ZNF644: variants seen among roughly 807,000 people sequenced by gnomAD.
ZNF644 encodes zinc finger protein 644, also known as zinc finger motif enhancer binding protein 2.
Under a neutral mutation model 108.0 loss-of-function variants are expected in ZNF644, and 20 were observed. That is an observed-to-expected ratio of 0.19 (90% CI 0.13 to 0.27). ZNF644 has a LOEUF of 0.27. ZNF644 is among the 10% of genes least tolerant of loss of function. The probability of loss-of-function intolerance (pLI) is 1.00; values close to 1 mark genes in which losing one functional copy is unlikely to be tolerated. For missense variants in ZNF644, 1,338 were observed against 1,548.9 expected, an observed-to-expected ratio of 0.86 and a Z score of 2.29; for synonymous variants, 542 against 539.1, an observed-to-expected ratio of 1.01 and a Z score of -0.08.
intron 2 of ZNF644, among the ~76,000 whole-genome samples, chr1:90,950,305 G>GAAAA (rs1553151449): frequency 1.5e-4 from 7 of 46,642 alleles, no homozygotes; most frequent in Admixed American, 3.5e-4. Flanking sequence ...GGGAGGGGAG[G>GAAAA]GGACAAAAGA....
intron 4 of ZNF644, among the ~76,000 whole-genome samples, chr1:90,919,073 C>T (rs191780230): frequency 2.6e-5 from 4 of 151,890 alleles, no homozygotes; most frequent in Admixed American, 6.5e-5. Context: ...TCTAAAACAA[C>T]CTGATTTTAA....
At chr1:91,014,664 T>C (rs561082087) in intron 1 of ZNF644, among the ~76,000 whole-genome samples, 2 of 152,160 alleles carry the variant, frequency 1.3e-5, no homozygotes, top group Non-Finnish European at 2.9e-5. Flanking sequence ...AACATCATTG[T>C]ACCAATGTCC....
chr1:90,976,543 T>G (rs1276962169), intron 2 of ZNF644, among the ~76,000 whole-genome samples: 1 of 152,226 alleles, frequency 6.6e-6, no homozygotes, highest in East Asian at 1.9e-4. Flanking sequence ...TGTTCACATA[T>G]TGGAATGATA....
At chr1:90,984,032 T>C (rs1240362196) in intron 1 of ZNF644, among the ~76,000 whole-genome samples, 3 of 152,148 alleles carry the variant, frequency 2.0e-5, no homozygotes, top group African/African-American at 7.2e-5. Flanking sequence ...CACCCACCAG[T>C]ATCAGGGAGA....
chr1:90,961,595 T>C (rs1251743587), intron 2 of ZNF644, among the ~76,000 whole-genome samples: 5 of 152,140 alleles, frequency 3.3e-5, no homozygotes, highest in Non-Finnish European at 7.4e-5. Flanking sequence ...TGTCTTCTAT[T>C]AAGTGAGACA....
chr1:90,920,705 A>T (rs1006048140), intron 4 of ZNF644, among the ~76,000 whole-genome samples: 4 of 152,012 alleles, frequency 2.6e-5, no homozygotes, highest in African/African-American at 9.7e-5. Flanking sequence ...AAAGCAGGAC[A>T]ACTCTGCCAG....
rs1349572016 is a variant in ZNF644, at chr1:90,940,595, T to C, written c.759A>G (p.Ser253=). The part of the protein sequence containing the change: ...GISSGTDGFR[S]ENDTNWDPQK... ...GGGGATCCCAGTTTGTATCATTTTCTGACCTAAATCCATCTGTACCTGAGG... is the reference window on the plus strand; with the variant it reads ...GGGGATCCCAGTTTGTATCATTTTCCGACCTAAATCCATCTGTACCTGAGG... The change falls in exon 3 of 6, where the codon TCA becomes TCG. Residue 253 remains serine (S), a synonymous_variant. Transcript: ENST00000337393. The C allele has an allele frequency of 4.3e-6, 7 of 1,614,098 alleles. No individual in the cohort carries two copies. The East Asian group carries it at 1.1e-4, about 26-fold the overall frequency.
In ZNF644 at chr1:90,939,613, T is replaced by C. The variant is rs1651740296; in HGVS notation, c.1741A>G (p.Lys581Glu). Residue 581 changes from lysine (K) to glutamate (E), a missense_variant, in exon 3 of 6, where the codon AAA (lysine) becomes GAA (glutamate). Around this residue, in one of 6 missense-constraint regions of ZNF644, gnomAD observed 462 missense variants for 472.6 expected, o/e 0.98. Coordinates refer to ENST00000337393, the MANE Select transcript of ZNF644 (RefSeq NM_201269.3). ...FMKDSVVGSS[K>E]KSATYICKMC... Reference sequence around the variant, plus strand: ...TTACATATGTAGGTAGCTGATTTTTTGGATGATCCTACTACAGAGTCTTTC... The same window carrying C: ...TTACATATGTAGGTAGCTGATTTTTCGGATGATCCTACTACAGAGTCTTTC... 6.2e-7 allele frequency: 1 copy of C among 1,613,912 alleles called. No individual in the cohort carries two copies. The highest frequency in any genetic ancestry group is 1.1e-5 in the South Asian group (1 of 91,082).
At chr1:90,990,360 C>A (rs1423280428) in intron 1 of ZNF644, among the ~76,000 whole-genome samples, 1 of 152,008 alleles carries the variant, frequency 6.6e-6, no homozygotes, top group Non-Finnish European at 1.5e-5. Flanking sequence ...CATATAAGAG[C>A]CAAGGTGGAG....
intron 1 of ZNF644, among the ~76,000 whole-genome samples, chr1:91,006,320 G>A (rs1210842536): frequency 6.6e-6 from 1 of 152,198 alleles, no homozygotes; most frequent in African/African-American, 2.4e-5. Flanking sequence ...CAGGAGGATA[G>A]ATCATTTGAG....
At position 90,938,927 on chromosome 1, in the gene ZNF644, C is replaced by G. The variant is rs1405853428; in HGVS notation, c.2427G>C (p.Lys809Asn). ...CCTTCTTAGATTCCTTAATTACTCT[C>G]TTTACAGCTACACGTCTGTGATCTT... ...SFKDHRRVAV[K>N]RVIKESKKES... Residue 809 changes from lysine (K) to asparagine (N), a missense_variant, in exon 3 of 6, where the codon AAG becomes AAC. Lys to Asn is a moderately conservative substitution (Grantham distance 94). Transcript: ENST00000337393. The surrounding 1 kb of genome is among the most constrained non-coding windows in gnomAD (Gnocchi z 4.2). The G allele has an allele frequency of 1.5e-5, 24 of 1,613,908 alleles. No homozygotes were observed. Among genetic ancestry groups the G allele is most frequent in the Non-Finnish European group, 2.0e-5 (24 of 1,179,956 alleles).
chr1:90,935,950 G>A (rs1651271844), intron 4 of ZNF644, among the ~76,000 whole-genome samples: 1 of 152,120 alleles, frequency 6.6e-6, no homozygotes, highest in Admixed American at 6.5e-5. Flanking sequence ...TAATTAAAGT[G>A]TTTTACCCAC....
At position 90,940,456 on chromosome 1, in the gene ZNF644, T is replaced by C. The variant is rs958733958; in HGVS notation, c.898A>G (p.Ile300Val). Residue 300 changes from isoleucine to valine, a missense_variant, in exon 3 of 6, where the codon ATA becomes GTA. Physicochemically the swap from Ile to Val is conservative, Grantham distance 29. This residue lies in a region of ZNF644 where 464 missense variants were observed against 457.9 expected (regional missense o/e 1.01). Coordinates refer to ENST00000337393, the MANE Select transcript of ZNF644 (RefSeq NM_201269.3). ...AAGCAATCCTCGGTATAACGAGTTATCTTGCTTACATCCATTTTTCGCTTT... is the reference window on the plus strand; with the variant it reads ...AAGCAATCCTCGGTATAACGAGTTACCTTGCTTACATCCATTTTTCGCTTT... ...KRKRKMDVSKITRYTEDCFSD... is the reference protein window; with the variant it reads ...KRKRKMDVSKVTRYTEDCFSD... 2 of 1,613,556 alleles carry C rather than the reference T, an allele frequency of 1.2e-6. No homozygotes were observed. Among genetic ancestry groups the C allele is most frequent in the Middle Eastern group, 1.6e-4 (1 of 6,084 alleles).
intron 4 of ZNF644, among the ~76,000 whole-genome samples, chr1:90,923,847 T>C (rs1447306324): frequency 1.3e-5 from 2 of 152,160 alleles, no homozygotes; most frequent in African/African-American, 2.4e-5. Context: ...CAAGGACTGG[T>C]TGCTTGAGTT....
intron 1 of ZNF644, among the ~76,000 whole-genome samples, chr1:91,001,991 A>C (rs879521869): frequency 1.1e-4 from 16 of 152,246 alleles, no homozygotes; most frequent in Admixed American, 3.3e-4. Context: ...GGACCTCCTC[A>C]AGGAGAACTA....
chr1:90,953,657 T>C (rs1323301728), intron 2 of ZNF644, among the ~76,000 whole-genome samples: 1 of 152,196 alleles, frequency 6.6e-6, no homozygotes, highest in Non-Finnish European at 1.5e-5. Context: ...GGCTCACACC[T>C]GTAATCCCAC....
chr1:91,014,841 T>C (rs1418903223), intron 1 of ZNF644, among the ~76,000 whole-genome samples: 1 of 152,174 alleles, frequency 6.6e-6, no homozygotes, highest in Non-Finnish European at 1.5e-5. Flanking sequence ...AGGATATATA[T>C]GTAAGAAGAA....
intron 2 of ZNF644, among the ~76,000 whole-genome samples, chr1:90,977,329 T>C (rs960213730): frequency 2.0e-5 from 3 of 151,908 alleles, no homozygotes; most frequent in Non-Finnish European, 1.5e-5. Flanking sequence ...CCTAAAAAAA[T>C]AGTATGAAGG....
At chr1:90,976,567 C>T (rs1371771245) in intron 2 of ZNF644, among the ~76,000 whole-genome samples, 1 of 152,176 alleles carries the variant, frequency 6.6e-6, no homozygotes, top group African/African-American at 2.4e-5. Context: ...GCCGCTTAGC[C>T]TTTGTTAGGT....
Sources: allele counts gnomAD v4.1 joint callset (sites outside exome capture counted in the v4.1 genomes callset), GRCh38; gene constraint gnomAD v4.1.1; regional missense constraint gnomAD v4.1.1; non-coding constraint Gnocchi (gnomAD v3.1); transcripts MANE v1.5; gene names NCBI Gene and HGNC (gene_info 2026-07-23, HGNC 2026-07-21).